CGGBP1: variants seen among roughly 807,000 people sequenced by gnomAD.
CGGBP1 encodes the protein CGG triplet repeat-binding protein 1.
Under a neutral mutation model 11.4 loss-of-function variants are expected in CGGBP1, and 4 were observed. The ratio of observed to expected loss-of-function variants is 0.35; its 90% CI spans 0.17 to 0.80. CGGBP1 has a LOEUF of 0.80. Among genes scored for constraint, CGGBP1 ranks in the 30% least tolerant of loss-of-function variants. The pLI, the probability that CGGBP1 is intolerant of heterozygous loss-of-function variation, is 0.52. For synonymous variants in CGGBP1, 76 were observed against 74.1 expected (o/e 1.03, Z -0.13); for missense variants, 135 against 202.1 (o/e 0.67, Z 2.01).
chr3:88,093,027 G>A (rs1703841272), intron 2 of CGGBP1, among the ~76,000 whole-genome samples: 1 of 152,130 alleles, frequency 6.6e-6, no homozygotes. Flanking sequence ...TTATAATTCT[G>A]TCTAACTTTA....
chr3:88,106,335 T>C (rs906788146), intron 2 of CGGBP1, among the ~76,000 whole-genome samples: 5 of 152,186 alleles, frequency 3.3e-5, no homozygotes, highest in African/African-American at 1.2e-4. Context: ...ATTTTTTTCA[T>C]TTATCTTTTT....
upstream of CGGBP1, among the ~76,000 whole-genome samples, chr3:88,060,803 A>T (rs1706833305): frequency 6.6e-6 from 1 of 152,090 alleles, no homozygotes; most frequent in East Asian, 1.9e-4. Flanking sequence ...AATTTCTTTC[A>T]ATGCTTGTAA....
chr3:88,084,173 A>G (rs4416403), intron 2 of CGGBP1, among the ~76,000 whole-genome samples: 119,195 of 152,124 alleles, frequency 0.78, 47,614 homozygotes, highest in South Asian at 0.91. Flanking sequence ...CTAGGCAAAT[A>G]CATTGGTAGC....
Position 88,055,163 on chromosome 3 carries a change from A to C in CGGBP1, c.*310T>G, listed in dbSNP as rs1454992490. ...AATAATCATACATGGCAACAGGGTAAAAAAGCAGGGCAGTTCTTCCATGCA... is the reference window on the plus strand; with the variant it reads ...AATAATCATACATGGCAACAGGGTACAAAAGCAGGGCAGTTCTTCCATGCA... On this transcript the variant is annotated 3_prime_UTR_variant, in exon 4 of 4. Transcript: ENST00000482016. The surrounding 1 kb of genome is among the most constrained non-coding windows in gnomAD (Gnocchi z 4.2). The C allele has an allele frequency of 4.6e-6, 1 of 219,318 alleles. No homozygotes were observed. The allele number at this position is 219,318 out of a possible 1,614,324, so 13.6% of individuals were successfully genotyped here.
intron 1 of CGGBP1, chr3:88,141,865 G>GT: frequency 2.5e-6 from 1 of 396,654 alleles, no homozygotes; most frequent in Non-Finnish European, 4.6e-6. Flanking sequence ...CAAAGTACCA[G>GT]TTTTCCAGAA....
At chr3:88,067,882 C>A (rs1348372221) in intron 2 of CGGBP1, among the ~76,000 whole-genome samples, 1 of 150,022 alleles carries the variant, frequency 6.7e-6, no homozygotes, top group Non-Finnish European at 1.5e-5. Flanking sequence ...ATTTTCTTTT[C>A]TTTCTTTTTT....
intron 2 of CGGBP1, among the ~76,000 whole-genome samples, chr3:88,092,084 CTT>C (rs1703773749): frequency 6.6e-6 from 1 of 152,092 alleles, no homozygotes; most frequent in East Asian, 1.9e-4. Context: ...AGAAGGAAAA[CTT>C]TTTGCATTAT....
At chr3:88,141,211 G>A in intron 1 of CGGBP1, 1 of 777,678 alleles carries the variant, frequency 1.3e-6, no homozygotes, top group African/African-American at 1.8e-5. Context: ...ACCACTATGA[G>A]GTGATACTAA....
Position 88,140,214 on chromosome 3 carries a change from C to G in CGGBP1, c.-229+756G>C, listed in dbSNP as rs1707035528. 1.9e-6 allele frequency: 3 copies of G among 1,612,042 alleles called. No homozygotes were observed. In the East Asian group the frequency reaches 6.7e-5, roughly 36 times the overall value. ...GATATTTCAGGCTCAGTGTAGTTTT[C>G]CAGAATGCCATGAGCTTTTTGAAGA... is the stretch of plus-strand genomic sequence containing the variant. On this transcript the variant is annotated intron_variant, in intron 2 of 3. Coordinates refer to the CGGBP1 transcript ENST00000462901.
At chr3:88,136,979 G>T (rs1023872588) in intron 2 of CGGBP1, among the ~76,000 whole-genome samples, 8 of 151,998 alleles carry the variant, frequency 5.3e-5, no homozygotes, top group African/African-American at 1.5e-4. Flanking sequence ...CAGATCACTT[G>T]AGGCCAGAAG....
intron 2 of CGGBP1, among the ~76,000 whole-genome samples, chr3:88,131,081 GTA>G (rs1706430180): frequency 6.6e-6 from 1 of 152,078 alleles, no homozygotes; most frequent in African/African-American, 2.4e-5. Flanking sequence ...AACCTAGATG[GTA>G]TATCCTACTG....
intron 1 of CGGBP1, among the ~76,000 whole-genome samples, chr3:88,145,053 T>G (rs1184728007): frequency 9.2e-6 from 1 of 108,950 alleles, no homozygotes. Flanking sequence ...ATGAAGAGCT[T>G]CTGGTGGAAC....
intron 1 of CGGBP1, chr3:88,143,045 A>C (rs546350697): frequency 5.9e-5 from 9 of 152,378 alleles, no homozygotes; most frequent in African/African-American, 2.2e-4. Context: ...CAGATCTCCT[A>C]ATGTCCCAAT....
intron 2 of CGGBP1, among the ~76,000 whole-genome samples, chr3:88,092,532 G>T (rs1030403600): frequency 6.6e-6 from 1 of 152,072 alleles, no homozygotes; most frequent in Non-Finnish European, 1.5e-5. Flanking sequence ...CTTAGATGAA[G>T]GAGCAGAAGA....
In CGGBP1 at chr3:88,140,371, C is replaced by T. The variant is rs1287183930; in HGVS notation, c.-229+599G>A. On this transcript the variant is annotated intron_variant, in intron 2 of 3. Coordinates refer to the CGGBP1 transcript ENST00000462901. ...AATCCTAATCAGGAAAAAGACTCATCTAGTAATGAGAAACAAACTATTAGT... is the reference window on the plus strand; with the variant it reads ...AATCCTAATCAGGAAAAAGACTCATTTAGTAATGAGAAACAAACTATTAGT... 2.5e-6 allele frequency: 4 copies of T among 1,613,036 alleles called. No individual in the cohort carries two copies. The South Asian group carries it at 4.4e-5, about 18-fold the overall frequency.
intron 2 of CGGBP1, among the ~76,000 whole-genome samples, chr3:88,130,221 A>G (rs1217414104): frequency 7.2e-5 from 11 of 152,164 alleles, no homozygotes. Context: ...GGGGCTATTA[A>G]GAATTTCTGT....
At chr3:88,057,633 A>G (rs1300404619) in intron 2 of CGGBP1, 1 of 152,222 alleles carries the variant, frequency 6.6e-6, no homozygotes, top group Non-Finnish European at 1.5e-5. Context: ...TAGATATTAA[A>G]TATTTGTGCC....
chr3:88,129,871 C>A, intron 2 of CGGBP1: 1 of 1,336,756 alleles, frequency 7.5e-7, no homozygotes. Context: ...AGATGGGCAA[C>A]AGAAAGGAAA....
At chr3:88,126,357 C>A in intron 2 of CGGBP1, 2 of 1,259,600 alleles carry the variant, frequency 1.6e-6, no homozygotes, top group Non-Finnish European at 2.0e-6. Context: ...AGTAATTTTT[C>A]TTCATTTTAT....
Sources: gnomAD v4.1 joint callset for allele counts (sites outside exome capture counted in the v4.1 genomes callset) on GRCh38, gnomAD v4.1.1 for gene constraint, Gnocchi (gnomAD v3.1) non-coding constraint, MANE v1.5 for transcripts, NCBI Gene and HGNC (gene_info 2026-07-23, HGNC 2026-07-21) for gene names.